Variants in ATP8B4 observed in about 807,000 individuals in gnomAD.
ATP8B4 encodes probable phospholipid-transporting ATPase IM.
In ATP8B4, 133 loss-of-function variants were observed where a neutral mutation model predicts 145.6. That is an observed-to-expected ratio of 0.91 (90% confidence interval 0.79 to 1.05). The LOEUF is 1.05. Among genes scored for constraint, ATP8B4 ranks in the 50% least tolerant of loss-of-function variants. The probability of loss-of-function intolerance (pLI) is 0.00; values close to 1 mark genes in which losing one functional copy is unlikely to be tolerated. For missense variants in ATP8B4, 1,458 were observed against 1,425.2 expected, an observed-to-expected ratio of 1.02 and a Z score of -0.37; for synonymous variants, 507 against 492.9, an observed-to-expected ratio of 1.03 and a Z score of -0.38.
At chr15:49,955,792 C>T (rs970478835) in intron 14 of ATP8B4, among the ~76,000 whole-genome samples, 3 of 151,968 alleles carry the variant, frequency 2.0e-5, no homozygotes, top group Admixed American at 1.3e-4. Context: ...AGAATTATTC[C>T]ACTTTTATGA....
intron 20 of ATP8B4, among the ~76,000 whole-genome samples, chr15:49,908,719 T>C (rs1432506324): frequency 1.3e-5 from 2 of 152,036 alleles, no homozygotes; most frequent in East Asian, 1.9e-4. Flanking sequence ...AGTACTTGGC[T>C]TTCCACATTC....
intron 1 of ATP8B4, among the ~76,000 whole-genome samples, chr15:50,153,297 A>T (rs2044369132): frequency 6.6e-6 from 1 of 152,152 alleles, no homozygotes. Flanking sequence ...CTGACAAAAA[A>T]GTTGAAGGAA....
At chr15:49,902,873 G>C (rs1420542633) in intron 20 of ATP8B4, among the ~76,000 whole-genome samples, 3 of 152,170 alleles carry the variant, frequency 2.0e-5, no homozygotes, top group African/African-American at 7.2e-5. Context: ...AACATCTCCT[G>C]AGTACTCCTT....
At chr15:50,008,062 A>G (rs186731135) in intron 7 of ATP8B4, among the ~76,000 whole-genome samples, 1 of 152,224 alleles carries the variant, frequency 6.6e-6, no homozygotes, top group African/African-American at 2.4e-5. Flanking sequence ...CTGTGGCCCA[A>G]ATGGGCTTCA....
intron 3 of ATP8B4, 78 bp from the exon 4 acceptor site, chr15:50,047,542 C>T (rs977355116): frequency 1.1e-6 from 1 of 897,044 alleles, no homozygotes; most frequent in African/African-American, 1.7e-5. Flanking sequence ...ACCTACAAGC[C>T]TGAGCCAGAG....
chr15:49,992,092 A>G (rs2047087530), intron 9 of ATP8B4, among the ~76,000 whole-genome samples: 1 of 152,156 alleles, frequency 6.6e-6, no homozygotes, highest in South Asian at 2.1e-4. Flanking sequence ...ACACTGGGAA[A>G]GTTAATCAAT....
chr15:50,165,592 A>T (rs556573669), intron 1 of ATP8B4, among the ~76,000 whole-genome samples: 1 of 152,182 alleles, frequency 6.6e-6, no homozygotes, highest in Non-Finnish European at 1.5e-5. Flanking sequence ...CATGTGTGAG[A>T]AGATGAGGAA....
chr15:49,912,254 T>C (rs921884242), intron 20 of ATP8B4, among the ~76,000 whole-genome samples: 3 of 151,598 alleles, frequency 2.0e-5, no homozygotes, highest in African/African-American at 7.3e-5. Context: ...TTTGAAAAGA[T>C]GAACAAAGTT....
intron 23 of ATP8B4, chr15:49,883,291 G>C (rs1488867999): frequency 1.3e-5 from 2 of 152,058 alleles, no homozygotes; most frequent in East Asian, 1.9e-4. Flanking sequence ...CTGGCATAGC[G>C]TGCCCTCATC....
intron 1 of ATP8B4, among the ~76,000 whole-genome samples, chr15:50,141,073 G>A (rs949607255): frequency 3.9e-5 from 6 of 151,986 alleles, no homozygotes; most frequent in East Asian, 1.9e-4. Flanking sequence ...CTCTTGACCC[G>A]CACCTGCCTC....
At chr15:50,105,858 C>T (rs1453524486) in intron 2 of ATP8B4, among the ~76,000 whole-genome samples, 3 of 152,094 alleles carry the variant, frequency 2.0e-5, no homozygotes, top group Non-Finnish European at 2.9e-5. Flanking sequence ...CTGTTGAAAA[C>T]TTGTTTGTGT....
At chr15:49,860,539 ACT>A in intron 27 of ATP8B4, 64 bp from the exon 28 acceptor site, 5 of 1,484,938 alleles carry the variant, frequency 3.4e-6, no homozygotes, top group Non-Finnish European at 4.5e-6. Context: ...GCAGTGGCCC[ACT>A]TTGTAAAGTG....
intron 20 of ATP8B4, 66 bp downstream of exon 20, chr15:49,916,868 T>G: frequency 6.9e-7 from 1 of 1,447,400 alleles, no homozygotes; most frequent in South Asian, 1.2e-5. Flanking sequence ...CTTTCTCAAC[T>G]CTCTGATCTT....
At chr15:49,863,296 C>A (rs1240760124) in intron 26 of ATP8B4, among the ~76,000 whole-genome samples, 2 of 152,210 alleles carry the variant, frequency 1.3e-5, no homozygotes, top group Admixed American at 1.3e-4. Context: ...GTTGATGCAG[C>A]CATCCAACAT....
chr15:50,159,965 G>A (rs1246156958), intron 1 of ATP8B4, among the ~76,000 whole-genome samples: 1 of 136,402 alleles, frequency 7.3e-6, no homozygotes, highest in Non-Finnish European at 1.6e-5. Flanking sequence ...GAGTCGGATT[G>A]ATATTGGTTC....
chr15:49,903,004 A>AT (rs148620203), intron 20 of ATP8B4, among the ~76,000 whole-genome samples: 2 of 152,044 alleles, frequency 1.3e-5, no homozygotes, highest in African/African-American at 2.4e-5. Flanking sequence ...TTTACTTAGG[A>AT]TTTTTTTCTC....
chr15:49,866,514 G>A, intron 25 of ATP8B4, 30 bp from the exon 26 acceptor site: 1 of 1,609,864 alleles, frequency 6.2e-7, no homozygotes, highest in Non-Finnish European at 8.5e-7. Flanking sequence ...CAAACGGGAG[G>A]TCTTTGAGGA....
intron 23 of ATP8B4, chr15:49,880,533 A>G (rs2153405584): frequency 6.6e-6 from 1 of 152,322 alleles, no homozygotes; most frequent in South Asian, 2.1e-4. Flanking sequence ...AGTAGAAGAC[A>G]TTAGAGGACT....
intron 3 of ATP8B4, among the ~76,000 whole-genome samples, chr15:50,048,119 T>C (rs1343913261): frequency 6.6e-6 from 1 of 152,114 alleles, no homozygotes; most frequent in African/African-American, 2.4e-5. Flanking sequence ...GGTGTATGAA[T>C]GATCCTGTCG....
Sources: allele counts gnomAD v4.1 joint callset (sites outside exome capture counted in the v4.1 genomes callset), GRCh38; gene constraint gnomAD v4.1.1; transcripts MANE v1.5; gene names NCBI Gene and HGNC (gene_info 2026-07-23, HGNC 2026-07-21).